Variants in ZNF721 observed in about 807,000 individuals in gnomAD.
The protein encoded by ZNF721 is zinc finger protein 721.
ZNF721 carries 2 observed loss-of-function variants against 2.4 expected under a neutral mutation model. The observed-to-expected ratio is 0.82, with a 90% CI of 0.34 to 2.58. The LOEUF is 2.58. Among genes scored for constraint, ZNF721 ranks in the 30% most tolerant of loss-of-function variants. The pLI is 0.11. For synonymous variants in ZNF721, 398 were observed against 381.8 expected (o/e 1.04, Z -0.50); for missense variants, 1,187 against 1,085.5 (o/e 1.09, Z -1.31).
chr4:478,542 A>G (rs1285339732), intron 1 of ZNF721, among the ~76,000 whole-genome samples: 1 of 152,134 alleles, frequency 6.6e-6, no homozygotes, highest in African/African-American at 2.4e-5. Context: ...GTTTATCTTT[A>G]TAATAGCATG....
chr4:469,284 C>CAA (rs139974014), intron 2 of ZNF721, among the ~76,000 whole-genome samples: 1 of 147,502 alleles, frequency 6.8e-6, no homozygotes, highest in Non-Finnish European at 1.5e-5. Context: ...CAAAATTTCC[C>CAA]AAAAAAAAGA....
At chr4:452,193 C>T (rs879957442) in intron 2 of ZNF721, among the ~76,000 whole-genome samples, 17 of 152,156 alleles carry the variant, frequency 1.1e-4, no homozygotes, top group Non-Finnish European at 2.1e-4. Flanking sequence ...TCCAAATAGC[C>T]GGTCAGGGTA....
intron 2 of ZNF721, among the ~76,000 whole-genome samples, chr4:456,055 T>TTTATTTAC (rs1714838440): frequency 6.7e-6 from 1 of 148,880 alleles, no homozygotes; most frequent in East Asian, 2.0e-4. Flanking sequence ...AAAATTTTTA[T>TTTATTTAC]TTATTTATTT....
chr4:460,142 T>A (rs1553865869), intron 2 of ZNF721, among the ~76,000 whole-genome samples: 1 of 152,148 alleles, frequency 6.6e-6, no homozygotes. Context: ...AGAACATACA[T>A]TATTCTCGGC....
chr4:492,775 C>G (rs1261104237), intron 1 of ZNF721, among the ~76,000 whole-genome samples: 3 of 137,820 alleles, frequency 2.2e-5, no homozygotes, highest in East Asian at 4.2e-4. Flanking sequence ...AATTATTTTT[C>G]TTTAAGCCTT....
At chr4:458,258 A>G (rs1714905118) in intron 2 of ZNF721, among the ~76,000 whole-genome samples, 2 of 152,206 alleles carry the variant, frequency 1.3e-5, no homozygotes, top group African/African-American at 4.8e-5. Flanking sequence ...GATAGAATCC[A>G]CAACTGTCTG....
chr4:441,644 C>G lies in ZNF721; in HGVS notation c.*51G>C. The G allele has an allele frequency of 6.9e-7, 1 of 1,458,310 alleles. No individual in the cohort carries two copies. Among genetic ancestry groups the G allele is most frequent in the East Asian group, 2.4e-5 (1 of 41,444 alleles). The allele number at this position is 1,458,310 out of a possible 1,614,324, so 90.3% of individuals were successfully genotyped here. ...GTAAGACATTCCCCTGGTATGAGTT[C>G]TCTTATGTTTAAGAATGCTGTAGTA... On this transcript the variant is annotated 3_prime_UTR_variant, in exon 3 of 3. Coordinates refer to ENST00000511833, the MANE Select transcript of ZNF721 (RefSeq NM_133474.4).
intron 1 of ZNF721, among the ~76,000 whole-genome samples, chr4:484,994 A>T (rs1178309921): frequency 6.6e-6 from 1 of 152,050 alleles, no homozygotes; most frequent in Non-Finnish European, 1.5e-5. Context: ...CAGCTTTAAA[A>T]TTTCTCTCTT....
intron 2 of ZNF721, among the ~76,000 whole-genome samples, chr4:451,683 T>G (rs1714665375): frequency 6.6e-6 from 1 of 152,268 alleles, no homozygotes; most frequent in Non-Finnish European, 1.5e-5. Context: ...ATAAAGGTTG[T>G]TTATCCTTAA....
chr4:490,881 G>T (rs1298149248), intron 1 of ZNF721, among the ~76,000 whole-genome samples: 3 of 151,866 alleles, frequency 2.0e-5, no homozygotes, highest in East Asian at 3.9e-4. Flanking sequence ...TTGAAGCCGG[G>T]AGGTGGAGGT....
intron 1 of ZNF721, among the ~76,000 whole-genome samples, chr4:474,965 G>C (rs1715588734): frequency 6.6e-6 from 1 of 151,972 alleles, no homozygotes; most frequent in Non-Finnish European, 1.5e-5. Flanking sequence ...GGGGCGGGTG[G>C]ATCACGAGGT....
intron 2 of ZNF721, among the ~76,000 whole-genome samples, chr4:455,805 C>T (rs1714828342): frequency 6.6e-6 from 1 of 151,984 alleles, no homozygotes; most frequent in South Asian, 2.1e-4. Context: ...AGATCCATTT[C>T]AAAATAATGT....
At chr4:491,867 A>AC (rs1306444627) in intron 1 of ZNF721, among the ~76,000 whole-genome samples, 2 of 152,172 alleles carry the variant, frequency 1.3e-5, no homozygotes, top group Admixed American at 1.3e-4. Flanking sequence ...ATTAAAAAAA[A>AC]AATTAGGCCA....
intron 2 of ZNF721, among the ~76,000 whole-genome samples, chr4:468,429 C>CA (rs1469557408): frequency 2.1e-5 from 3 of 141,946 alleles, no homozygotes; most frequent in African/African-American, 5.2e-5. Flanking sequence ...GATTCCGTCA[C>CA]AAAAAAAAGA....
At chr4:474,077 A>C in intron 1 of ZNF721, 1 of 1,400,560 alleles carries the variant, frequency 7.1e-7, no homozygotes, top group South Asian at 1.1e-5. Context: ...TGGCAAAATC[A>C]CCGAGGCCTC....
chr4:494,719 A>G (rs559499837), intron 1 of ZNF721, among the ~76,000 whole-genome samples: 2 of 152,114 alleles, frequency 1.3e-5, no homozygotes, highest in Non-Finnish European at 2.9e-5. Context: ...TTTGAGCCAA[A>G]TCAAATATAA....
intron 2 of ZNF721, among the ~76,000 whole-genome samples, chr4:470,980 C>T (rs1576965930): frequency 1.4e-5 from 2 of 145,990 alleles, no homozygotes; most frequent in Non-Finnish European, 1.5e-5. Flanking sequence ...AGCCTGGTGA[C>T]AGAGGAAGAC....
intron 1 of ZNF721, among the ~76,000 whole-genome samples, chr4:482,414 C>T (rs1419706559): frequency 1.3e-5 from 2 of 152,310 alleles, no homozygotes; most frequent in African/African-American, 4.8e-5. Flanking sequence ...ATCCGCCCAC[C>T]TCGGCCTCCC....
intron 1 of ZNF721, among the ~76,000 whole-genome samples, chr4:478,971 C>T (rs560408338): frequency 1.3e-5 from 2 of 152,172 alleles, no homozygotes; most frequent in African/African-American, 2.4e-5. Flanking sequence ...AGGGTTTCAC[C>T]GTGTTGGCCA....
Sources: allele counts gnomAD v4.1 joint callset (sites outside exome capture counted in the v4.1 genomes callset), GRCh38; gene constraint gnomAD v4.1.1; transcripts MANE v1.5; gene names NCBI Gene and HGNC (gene_info 2026-07-23, HGNC 2026-07-21).